HHAT: variants seen among roughly 807,000 people sequenced by gnomAD.
HHAT encodes the protein protein-cysteine N-palmitoyltransferase HHAT.
HHAT carries 47 observed loss-of-function variants against 70.8 expected under a neutral mutation model. The ratio of observed to expected loss-of-function variants is 0.66; its 90% confidence interval spans 0.53 to 0.85. The LOEUF is 0.85. HHAT is among the 40% of genes least tolerant of loss of function. HHAT has a pLI of 0.00. For synonymous variants in HHAT, 228 were observed against 247.6 expected (o/e 0.92, Z 0.74); for missense variants, 609 against 604.8 (o/e 1.01, Z -0.07).
intron 11 of HHAT, among the ~76,000 whole-genome samples, chr1:210,637,728 C>T (rs1672144249): frequency 1.3e-5 from 2 of 151,932 alleles, no homozygotes; most frequent in African/African-American, 2.4e-5. Flanking sequence ...AGCATGGGGG[C>T]ACACGCCTGT....
chr1:210,627,275 T>C (rs545602173), intron 11 of HHAT, among the ~76,000 whole-genome samples: 12 of 152,268 alleles, frequency 7.9e-5, no homozygotes, highest in East Asian at 7.7e-4. Context: ...TGGATACACA[T>C]GTGTCTTAAA....
At chr1:210,591,505 C>T (rs987591994) in intron 10 of HHAT, among the ~76,000 whole-genome samples, 5 of 152,094 alleles carry the variant, frequency 3.3e-5, no homozygotes, top group African/African-American at 1.2e-4. Context: ...CTACAGTAAA[C>T]ATGGGAGTGC....
chr1:210,607,695 G>A (rs4528195), intron 10 of HHAT, among the ~76,000 whole-genome samples: 148,304 of 152,158 alleles, frequency 0.97, 72,382 homozygotes, highest in East Asian at 1. Context: ...CCAGGGTCTA[G>A]GGTCATTTAG....
At chr1:210,619,608 C>T (rs1668450868) in intron 10 of HHAT, among the ~76,000 whole-genome samples, 1 of 152,116 alleles carries the variant, frequency 6.6e-6, no homozygotes, top group African/African-American at 2.4e-5. Context: ...CTCTGCTGAC[C>T]TTTTGGGCAG....
At chr1:210,329,142 T>G (rs1325818240) in intron 1 of HHAT, 38 bp downstream of exon 1, 4 of 1,284,806 alleles carry the variant, frequency 3.1e-6, no homozygotes, top group Non-Finnish European at 3.0e-6. Flanking sequence ...CTGGGGAGGT[T>G]AGATGCTGAA....
At chr1:210,646,518 C>T (rs1674101547) in intron 11 of HHAT, among the ~76,000 whole-genome samples, 1 of 152,132 alleles carries the variant, frequency 6.6e-6, no homozygotes. Context: ...GACAAGAAGA[C>T]ACTGAATCCT....
chr1:210,510,145 T>G (rs72749304), intron 8 of HHAT, among the ~76,000 whole-genome samples: 3,098 of 152,276 alleles, frequency 0.02, 45 homozygotes, highest in Non-Finnish European at 0.031. Flanking sequence ...TTTTTAAATT[T>G]TCAGTAGGTG....
intron 9 of HHAT, among the ~76,000 whole-genome samples, chr1:210,514,133 C>G (rs2095010280): frequency 1.3e-5 from 2 of 152,102 alleles, no homozygotes; most frequent in African/African-American, 4.8e-5. Context: ...CACCTTTATC[C>G]CCACCAAAAA....
At position 210,587,961 on chromosome 1, in the gene HHAT, G is replaced by A. The variant is rs755100445; in HGVS notation, c.1107G>A (p.Ala369=). The A allele has an allele frequency of 9.3e-6, 15 of 1,614,046 alleles. No homozygotes were observed. In the East Asian group the frequency reaches 1.3e-4, roughly 14 times the overall value. ...HGLLGTLFST[A]MTFAFVSYWH... is the part of the protein sequence containing the mutation. The stretch of plus-strand genomic sequence containing the variant: ...TGCTGGGGACACTGTTTTCCACGGC[G>A]ATGACATTTGCATTTGTGAGCTACT... The change falls in exon 10 of 12, where the codon GCG becomes GCA. Residue 369 remains alanine (A), a synonymous_variant. Transcript: ENST00000261458.
At chr1:210,346,310 A>C (rs2086521441) in intron 1 of HHAT, among the ~76,000 whole-genome samples, 1 of 152,180 alleles carries the variant, frequency 6.6e-6, no homozygotes, top group Non-Finnish European at 1.5e-5. Flanking sequence ...CAAAGAGGTC[A>C]TCCGATGTAA....
intron 9 of HHAT, among the ~76,000 whole-genome samples, chr1:210,544,632 C>G (rs1436843272): frequency 6.6e-6 from 1 of 152,024 alleles, no homozygotes; most frequent in African/African-American, 2.4e-5. Flanking sequence ...CTCAGCCTCC[C>G]AAAATGCTGG....
At chr1:210,643,828 A>G (rs1310769839) in intron 11 of HHAT, among the ~76,000 whole-genome samples, 2 of 151,884 alleles carry the variant, frequency 1.3e-5, no homozygotes, top group African/African-American at 4.8e-5. Context: ...AACATTACAC[A>G]GATGAGCCAG....
rs975615389 is a variant in HHAT at position 210,379,693 on chromosome 1, C to T, written c.160-7775C>T. 2.0e-5 allele frequency among the ~76,000 whole-genome samples: 3 copies of T among 152,300 alleles called. No individual in the cohort carries two copies. In the East Asian group the frequency reaches 5.8e-4, roughly 29 times the overall value. Reference sequence around the variant, plus strand: ...AACTCCTGGAGTTGTGTTTCTGGGCCTATCAAAGTAAAATCGAGTTTGTTG... The same window carrying T: ...AACTCCTGGAGTTGTGTTTCTGGGCTTATCAAAGTAAAATCGAGTTTGTTG... On this transcript the variant is annotated intron_variant, in intron 3 of 11. Coordinates refer to ENST00000261458, the MANE Select transcript of HHAT (RefSeq NM_018194.6).
rs750487081 is a variant in HHAT at position 210,387,439 on chromosome 1, C to A, written c.160-29C>A. ...TCTGACTCAGACGTGTACTGAAATC[C>A]CTCTGATAAACTATTTTGTCCTATT... On this transcript the variant is annotated intron_variant, in intron 3 of 11. Coordinates refer to ENST00000261458, the MANE Select transcript of HHAT (RefSeq NM_018194.6). 7 of 1,573,388 alleles carry A rather than the reference C, an allele frequency of 4.4e-6. No homozygotes were observed. The African/African-American group carries it at 9.4e-5, about 21-fold the overall frequency.
chr1:210,396,835 T>C (rs2148183187), intron 4 of HHAT, among the ~76,000 whole-genome samples: 1 of 152,190 alleles, frequency 6.6e-6, no homozygotes, highest in South Asian at 2.1e-4. Flanking sequence ...AAGCCAATCT[T>C]TGAAATGGAG....
At chr1:210,620,888 T>C (rs984837181) in intron 10 of HHAT, among the ~76,000 whole-genome samples, 2 of 124,480 alleles carry the variant, frequency 1.6e-5, no homozygotes, top group African/African-American at 5.1e-5. Flanking sequence ...TTGGTATGAT[T>C]TTGACTTTTT....
intron 11 of HHAT, among the ~76,000 whole-genome samples, chr1:210,660,522 T>A (rs1477045406): frequency 1.3e-5 from 2 of 152,182 alleles, no homozygotes; most frequent in Non-Finnish European, 2.9e-5. Flanking sequence ...GCCATCCCCA[T>A]CAAGGTACCA....
intron 11 of HHAT, among the ~76,000 whole-genome samples, chr1:210,637,853 C>T (rs989819299): frequency 2.2e-4 from 14 of 64,756 alleles, no homozygotes; most frequent in East Asian, 2.1e-3. Context: ...AGTGAGACTC[C>T]GTCTCAAAAA....
At chr1:210,608,167 A>G (rs1665895851) in intron 10 of HHAT, among the ~76,000 whole-genome samples, 1 of 152,158 alleles carries the variant, frequency 6.6e-6, no homozygotes, top group African/African-American at 2.4e-5. Flanking sequence ...TTCCTCGTAC[A>G]TGTGTGTACG....
Sources: allele counts gnomAD v4.1 joint callset (sites outside exome capture counted in the v4.1 genomes callset), GRCh38; gene constraint gnomAD v4.1.1; transcripts MANE v1.5; gene names NCBI Gene and HGNC (gene_info 2026-07-23, HGNC 2026-07-21).